Variants in PBX1 observed in about 807,000 individuals in gnomAD.
The protein encoded by PBX1 is pre-B-cell leukemia transcription factor 1.
Under a neutral mutation model 53.4 loss-of-function variants are expected in PBX1, and 6 were observed. The ratio of observed to expected loss-of-function variants is 0.11; its 90% CI spans 0.06 to 0.22. The LOEUF (loss-of-function observed/expected upper bound fraction) is 0.22. PBX1 is among the 10% of genes least tolerant of loss of function. The pLI is 1.00. For synonymous variants in PBX1, 204 were observed against 212.3 expected, an observed-to-expected ratio of 0.96 and a Z score of 0.34; for missense variants, 251 against 551.4, an observed-to-expected ratio of 0.46 and a Z score of 5.46.
intron 2 of PBX1, among the ~76,000 whole-genome samples, chr1:164,633,820 C>T (rs1161990045): frequency 6.6e-6 from 1 of 152,188 alleles, no homozygotes; most frequent in Non-Finnish European, 1.5e-5. Context: ...TCATAGGTAT[C>T]TGCCTCGGAG....
chr1:164,845,389 A>G (rs919007002), intron 8 of PBX1, among the ~76,000 whole-genome samples: 1 of 150,096 alleles, frequency 6.7e-6, no homozygotes, highest in Non-Finnish European at 1.5e-5. Flanking sequence ...CCAAGCAGCA[A>G]CAATAATACC....
At chr1:164,601,306 A>G (rs1274090589) in intron 2 of PBX1, among the ~76,000 whole-genome samples, 3 of 151,518 alleles carry the variant, frequency 2.0e-5, no homozygotes, top group African/African-American at 7.3e-5. Flanking sequence ...CCAGATTCAC[A>G]GTTCAATAGC....
At chr1:164,834,111 C>G (rs1670910387) in intron 8 of PBX1, among the ~76,000 whole-genome samples, 1 of 126,618 alleles carries the variant, frequency 7.9e-6, no homozygotes, top group Non-Finnish European at 1.7e-5. Context: ...TTCTCTTTTC[C>G]ATACTTTTCT....
chr1:164,834,787 T>C (rs1670951203), intron 8 of PBX1, among the ~76,000 whole-genome samples: 1 of 152,274 alleles, frequency 6.6e-6, no homozygotes, highest in African/African-American at 2.4e-5. Flanking sequence ...CCTTTCTTCC[T>C]AAGACCTGTG....
intron 2 of PBX1, among the ~76,000 whole-genome samples, chr1:164,771,902 C>G (rs1055314533): frequency 3.3e-5 from 5 of 152,096 alleles, no homozygotes; most frequent in African/African-American, 1.2e-4. Context: ...GCCTCCAGGC[C>G]GGAAGGGGGG....
intron 2 of PBX1, among the ~76,000 whole-genome samples, chr1:164,602,246 A>G (rs1367034706): frequency 6.6e-6 from 1 of 152,130 alleles, no homozygotes; most frequent in Non-Finnish European, 1.5e-5. Flanking sequence ...ACAAAGCTTA[A>G]GGGATGACTA....
At chr1:164,572,740 G>A (rs2792251) in intron 2 of PBX1, among the ~76,000 whole-genome samples, 112,074 of 152,010 alleles carry the variant, frequency 0.74, 41,930 homozygotes, top group East Asian at 0.9. Context: ...AAAAGACACT[G>A]ATGTAAAGCA....
intron 2 of PBX1, among the ~76,000 whole-genome samples, chr1:164,707,956 T>C (rs1409398311): frequency 6.6e-6 from 1 of 152,216 alleles, no homozygotes; most frequent in African/African-American, 2.4e-5. Context: ...CCCTGAGGCA[T>C]GCAGCAAGGT....
chr1:164,880,988 G>A (rs1672632798), intron 2 of PBX1, among the ~76,000 whole-genome samples: 1 of 152,238 alleles, frequency 6.6e-6, no homozygotes, highest in Admixed American at 6.5e-5. Flanking sequence ...GCGGGACCTA[G>A]TGGTCCTTGG....
At chr1:164,660,303 C>G (rs1198013086) in intron 2 of PBX1, among the ~76,000 whole-genome samples, 1 of 152,152 alleles carries the variant, frequency 6.6e-6, no homozygotes, top group African/African-American at 2.4e-5. Flanking sequence ...GGGGACCTTG[C>G]CTATGTGGGA....
At chr1:164,691,975 A>G (rs73023300) in intron 2 of PBX1, among the ~76,000 whole-genome samples, 1 of 152,234 alleles carries the variant, frequency 6.6e-6, no homozygotes, top group Non-Finnish European at 1.5e-5. Flanking sequence ...TGTGTAAACT[A>G]TATGAGATAC....
chr1:164,832,099 TCTTTTGC>T (rs1017315667), intron 8 of PBX1, among the ~76,000 whole-genome samples: 11 of 152,368 alleles, frequency 7.2e-5, no homozygotes, highest in Admixed American at 5.2e-4. Context: ...ACATTTTTCC[TCTTTTGC>T]CTTTTGCCGT....
At chr1:164,651,160 T>C (rs1185938372) in intron 2 of PBX1, among the ~76,000 whole-genome samples, 1 of 152,150 alleles carries the variant, frequency 6.6e-6, no homozygotes, top group Non-Finnish European at 1.5e-5. Flanking sequence ...ATAATTTAAT[T>C]GTATTTTATT....
chr1:164,840,219 AT>A (rs1163971977), intron 8 of PBX1, among the ~76,000 whole-genome samples: 2 of 152,166 alleles, frequency 1.3e-5, no homozygotes, highest in Admixed American at 6.5e-5. Flanking sequence ...AAGTGGCAAA[AT>A]TGATTCTGAG....
At chr1:164,875,897 G>A (rs1672492794) in intron 2 of PBX1, among the ~76,000 whole-genome samples, 1 of 150,960 alleles carries the variant, frequency 6.6e-6, no homozygotes, top group South Asian at 2.1e-4. Context: ...ATGCTTATTT[G>A]TATTCATTGT....
At chr1:164,874,148 A>T (rs1672447338) in intron 2 of PBX1, among the ~76,000 whole-genome samples, 1 of 152,198 alleles carries the variant, frequency 6.6e-6, no homozygotes. Flanking sequence ...TGAGATGTGT[A>T]AGGTTCAAGG....
chr1:164,872,666 G>A lies in PBX1; in HGVS notation n.258-26522G>A, dbSNP rs146490791. Among the ~76,000 whole-genome samples, 1,242 of 152,190 alleles carry A rather than the reference G, an allele frequency of 8.2e-3. 13 individuals carry two copies. Among genetic ancestry groups the A allele is most frequent in the South Asian group, 0.036 (176 of 4,822 alleles). On this transcript the variant is annotated intron_variant and non_coding_transcript_variant, in intron 2 of 2. Coordinates refer to the PBX1 transcript ENST00000558796. ...CGCCTAAGACTGCATTTGCTTTTTGGCAGCCACCACACACCATTGGCCTAT... is the reference window on the plus strand; with the variant it reads ...CGCCTAAGACTGCATTTGCTTTTTGACAGCCACCACACACCATTGGCCTAT...
At chr1:164,590,411 C>T (rs1279539751) in intron 2 of PBX1, 4 of 455,804 alleles carry the variant, frequency 8.8e-6, no homozygotes, top group East Asian at 7.0e-5. Context: ...TCTTCCCAAT[C>T]GCCGCCGCCC....
chr1:164,775,422 C>A (rs926173534), intron 2 of PBX1, among the ~76,000 whole-genome samples: 46 of 152,050 alleles, frequency 3.0e-4, no homozygotes, highest in Non-Finnish European at 8.8e-5. Flanking sequence ...GAAGAGTGCC[C>A]GACCACAGGG....
Sources: allele counts gnomAD v4.1 joint callset (sites outside exome capture counted in the v4.1 genomes callset), GRCh38; gene constraint gnomAD v4.1.1; transcripts MANE v1.5; gene names NCBI Gene and HGNC (gene_info 2026-07-23, HGNC 2026-07-21).